The following FRMD4A variants were observed in gnomAD, a reference collection of about 807,000 sequenced individuals.
The protein encoded by FRMD4A is FERM domain containing 4A.
Under a neutral mutation model 129.1 loss-of-function variants are expected in FRMD4A, and 29 were observed. The ratio of observed to expected loss-of-function variants is 0.22; its 90% CI spans 0.17 to 0.31. FRMD4A has a LOEUF of 0.31. Ranked by LOEUF, FRMD4A falls within the 10% of genes least tolerant of loss-of-function variation. FRMD4A has a pLI of 1.00. For synonymous variants in FRMD4A, 634 were observed against 571.6 expected, an observed-to-expected ratio of 1.11 and a Z score of -1.56; for missense variants, 1,272 against 1,375.8, an observed-to-expected ratio of 0.92 and a Z score of 1.19.
intron 2 of FRMD4A, among the ~76,000 whole-genome samples, chr10:14,134,156 T>C (rs1839408831): frequency 6.6e-6 from 1 of 152,020 alleles, no homozygotes; most frequent in Non-Finnish European, 1.5e-5. Flanking sequence ...TTTACCATTT[T>C]CTCTTTGTCT....
chr10:13,756,502 C>T (rs1215929028), intron 8 of FRMD4A, among the ~76,000 whole-genome samples: 1 of 152,136 alleles, frequency 6.6e-6, no homozygotes, highest in East Asian at 1.9e-4. Flanking sequence ...GCTGGGACTA[C>T]AGGCACACGC....
rs149620503 is a variant in FRMD4A at position 13,897,725 on chromosome 10, C to G, written c.46-38813G>C. ...GCCAAGCAGGGTGGATCACCTGAGG[C>G]CAGGAGTTCAAGACCAGCCTGGTCA... is the stretch of plus-strand genomic sequence containing the variant. On this transcript the variant is annotated intron_variant, in intron 2 of 24. Coordinates refer to ENST00000357447, the MANE Select transcript of FRMD4A (RefSeq NM_018027.5). 5.0e-3 allele frequency among the ~76,000 whole-genome samples: 748 copies of G among 150,712 alleles called. 2 individuals are homozygous for G. The highest frequency in any genetic ancestry group is 7.4e-3 in the Middle Eastern group (2 of 270).
Position 14,195,301 on chromosome 10 carries a change from C to G in FRMD4A, c.45+134757G>C, listed in dbSNP as rs558211519. The stretch of plus-strand genomic sequence containing the variant: ...GGGGCAAGAACCAGAAACCGAAGCT[C>G]CAGAATCTGTTTTAGGAATTCGGTG... On this transcript the variant is annotated intron_variant, in intron 2 of 24. Transcript: ENST00000357447. Among the ~76,000 whole-genome samples the G allele has an allele frequency of 8.5e-5, 13 of 152,122 alleles. No homozygotes were observed. In the South Asian group the frequency reaches 1.0e-3, roughly 12 times the overall value.
chr10:13,778,457 G>T lies in FRMD4A; in HGVS notation c.384+4465C>A, dbSNP rs547326581. Among the ~76,000 whole-genome samples the T allele has an allele frequency of 6.6e-5, 10 of 152,238 alleles. No individual in the cohort carries two copies. The East Asian group carries it at 1.9e-3, about 29-fold the overall frequency. On this transcript the variant is annotated intron_variant, in intron 6 of 24. Coordinates refer to ENST00000357447, the MANE Select transcript of FRMD4A (RefSeq NM_018027.5). ...CCTGGCTCAGCAACTGTCCCAAAAT[G>T]AGGTCTTTTCACAGAACTGAATTTG...
intron 2 of FRMD4A, among the ~76,000 whole-genome samples, chr10:14,084,760 G>A (rs1836160855): frequency 6.6e-6 from 1 of 152,092 alleles, no homozygotes; most frequent in South Asian, 2.1e-4. Flanking sequence ...CAGAGCCCAC[G>A]GGACATATTT....
intron 2 of FRMD4A, among the ~76,000 whole-genome samples, chr10:14,187,955 C>T (rs1159804050): frequency 6.6e-6 from 1 of 152,078 alleles, no homozygotes; most frequent in Admixed American, 6.6e-5. Flanking sequence ...CAGGCAGCTC[C>T]CACAATACAA....
At chr10:13,896,812 G>C (rs541010865) in intron 2 of FRMD4A, among the ~76,000 whole-genome samples, 1 of 152,174 alleles carries the variant, frequency 6.6e-6, no homozygotes, top group South Asian at 2.1e-4. Context: ...GTTATCCTTG[G>C]AATTGACAGA....
At chr10:14,268,366 T>C (rs576579060) in intron 2 of FRMD4A, among the ~76,000 whole-genome samples, 61 of 152,346 alleles carry the variant, frequency 4.0e-4, no homozygotes, top group African/African-American at 1.3e-3. Flanking sequence ...TCATTGAACA[T>C]GATTTCTTTT....
intron 14 of FRMD4A, among the ~76,000 whole-genome samples, chr10:13,700,444 TG>T (rs2134868610): frequency 6.6e-6 from 1 of 152,358 alleles, no homozygotes; most frequent in African/African-American, 2.4e-5. Context: ...ACTCACGCGA[TG>T]GAGGGAAATC....
chr10:14,133,731 T>C (rs1036807277), intron 2 of FRMD4A, among the ~76,000 whole-genome samples: 1 of 152,212 alleles, frequency 6.6e-6, no homozygotes, highest in African/African-American at 2.4e-5. Flanking sequence ...ACTACCCTTT[T>C]TGTCTAGAAT....
rs141449954 is a variant in FRMD4A, at chr10:13,910,888, GAAAAAAAAAA to G, written c.46-51986_46-51977del. On this transcript the variant is annotated intron_variant, in intron 2 of 24. Coordinates refer to ENST00000357447, the MANE Select transcript of FRMD4A (RefSeq NM_018027.5). ...CCTGTTAAGCCTCTGGGAGTTTCAT[GAAAAAAAAAA>G]AAAAAAAAAAAAAAAAAAAAAAAAA... Among the ~76,000 whole-genome samples, 485 of 82,856 alleles carry G rather than the reference GAAAAAAAAAA, an allele frequency of 5.9e-3. 2 individuals carry two copies. The highest frequency in any genetic ancestry group is 0.023 in the African/African-American group (456 of 19,828). 54.4% of individuals were successfully genotyped at this position (82,856 alleles called of 152,430 possible).
At chr10:13,703,873 C>T (rs1243813628) in intron 13 of FRMD4A, among the ~76,000 whole-genome samples, 4 of 152,102 alleles carry the variant, frequency 2.6e-5, no homozygotes, top group Non-Finnish European at 2.9e-5. Flanking sequence ...GGTGTAGTGG[C>T]GCACGCCTGT....
intron 5 of FRMD4A, among the ~76,000 whole-genome samples, chr10:13,791,303 G>C (rs1285282866): frequency 6.6e-6 from 1 of 152,166 alleles, no homozygotes; most frequent in African/African-American, 2.4e-5. Context: ...CTAGAGATAT[G>C]ATGATCTGTG....
chr10:13,686,845 G>A (rs1341701364), intron 15 of FRMD4A, among the ~76,000 whole-genome samples: 3 of 152,194 alleles, frequency 2.0e-5, no homozygotes. Context: ...AAGAAATGCT[G>A]CAGTCCCATT....
chr10:13,933,946 A>C (rs2095226040), intron 2 of FRMD4A, among the ~76,000 whole-genome samples: 1 of 152,236 alleles, frequency 6.6e-6, no homozygotes, highest in African/African-American at 2.4e-5. Flanking sequence ...ATAGGGAGAT[A>C]CAGCATCCTT....
In FRMD4A at chr10:13,821,637, T is replaced by C. The variant is rs1329174125; in HGVS notation, c.112-10729A>G. Among the ~76,000 whole-genome samples, 3 of 152,128 alleles carry C rather than the reference T, an allele frequency of 2.0e-5. No homozygotes were observed. Among genetic ancestry groups the C allele is most frequent in the Admixed American group, 6.5e-5 (1 of 15,290 alleles). On this transcript the variant is annotated intron_variant, in intron 3 of 24. Transcript: ENST00000357447. This position sits in a 1 kb window ranked among gnomAD's most constrained non-coding sequence, Gnocchi z 4.3. Reference sequence around the variant, plus strand: ...CCCTAGAAACCAGAAACACCTGAAGTAGACACCAGGATTGCCCCCATGTGA... The same window carrying C: ...CCCTAGAAACCAGAAACACCTGAAGCAGACACCAGGATTGCCCCCATGTGA...
At position 13,691,424 on chromosome 10, in the gene FRMD4A, G is replaced by A. The variant is rs78013837; in HGVS notation, c.1117+2474C>T. On this transcript the variant is annotated intron_variant, in intron 15 of 24. Coordinates refer to ENST00000357447, the MANE Select transcript of FRMD4A (RefSeq NM_018027.5). ...CCTGGAGTCTGCCAGATACAAGGGG[G>A]CCCGTGCAGATGGACCAGGACACGG... 1.1e-3 allele frequency among the ~76,000 whole-genome samples: 168 copies of A among 152,254 alleles called. No individual in the cohort carries two copies. The East Asian group carries it at 0.016, about 15-fold the overall frequency.
At chr10:14,296,962 C>T (rs548023385) in intron 2 of FRMD4A, among the ~76,000 whole-genome samples, 4 of 152,268 alleles carry the variant, frequency 2.6e-5, no homozygotes, top group South Asian at 2.1e-4. Context: ...CAGAACTCTC[C>T]GAGCCCAGAC....
In FRMD4A at chr10:14,237,720, A is replaced by G. The variant is rs554255680; in HGVS notation, c.45+92338T>C. Among the ~76,000 whole-genome samples, 3 of 152,348 alleles carry G rather than the reference A, an allele frequency of 2.0e-5. No individual in the cohort carries two copies. In the South Asian group the frequency reaches 6.2e-4, roughly 32 times the overall value. ...TGCTACACAGCTGTTGCTAGGACCA[A>G]ATAAGATAATATGAGGAGCTACCAA... is the stretch of plus-strand genomic sequence containing the variant. On this transcript the variant is annotated intron_variant, in intron 2 of 24. Transcript: ENST00000357447.
Sources: gnomAD v4.1 joint callset for allele counts (sites outside exome capture counted in the v4.1 genomes callset) on GRCh38, gnomAD v4.1.1 for gene constraint, Gnocchi (gnomAD v3.1) non-coding constraint, MANE v1.5 for transcripts, NCBI Gene and HGNC (gene_info 2026-07-23, HGNC 2026-07-21) for gene names.